The following BEND7 variants were observed in gnomAD, a reference collection of about 807,000 sequenced individuals.
The protein encoded by BEND7 is BEN domain-containing protein 7.
A neutral mutation model predicts 50.9 loss-of-function variants in BEND7; 28 were observed. The ratio of observed to expected loss-of-function variants is 0.55; its 90% CI spans 0.41 to 0.75. The LOEUF is 0.75. BEND7 is among the 30% of genes least tolerant of loss of function. The pLI is 0.00. For synonymous variants in BEND7, 170 were observed against 183.9 expected (o/e 0.92, Z 0.61); for missense variants, 477 against 491.3 (o/e 0.97, Z 0.28).
rs1166105248 is a variant in BEND7 at position 13,501,789 on chromosome 10, C to T, written c.146-1709G>A. Among the ~76,000 whole-genome samples, 3 of 151,242 alleles carry T rather than the reference C, an allele frequency of 2.0e-5. No homozygotes were observed. In the South Asian group the frequency reaches 6.3e-4, roughly 32 times the overall value. ...TGAGCCCCGGAGGCAGAGGTTGCAG[C>T]GAGCCGAGATTGTGCCACTGCACTT... On this transcript the variant is annotated intron_variant, in intron 2 of 8. Transcript: ENST00000466271.
intron 6 of BEND7, among the ~76,000 whole-genome samples, chr10:13,467,436 T>C (rs1334420488): frequency 6.6e-6 from 1 of 152,250 alleles, no homozygotes; most frequent in Non-Finnish European, 1.5e-5. Flanking sequence ...GATTCCTCTC[T>C]AGTATGAAAG....
chr10:13,494,336 G>A (rs2076886412), intron 4 of BEND7, among the ~76,000 whole-genome samples: 1 of 152,218 alleles, frequency 6.6e-6, no homozygotes, highest in Non-Finnish European at 1.5e-5. Context: ...AGAATCACTT[G>A]AACCCAGGAG....
At chr10:13,506,764 G>GGAGA (rs60807357) in intron 2 of BEND7, among the ~76,000 whole-genome samples, 27 of 150,768 alleles carry the variant, frequency 1.8e-4, no homozygotes, top group East Asian at 5.9e-4. Flanking sequence ...GGAGCGAGAT[G>GGAGA]GAGAGAGAGA....
At chr10:13,502,257 T>A (rs1230359573) in intron 2 of BEND7, among the ~76,000 whole-genome samples, 1 of 152,234 alleles carries the variant, frequency 6.6e-6, no homozygotes, top group Non-Finnish European at 1.5e-5. Context: ...AGTAAATATC[T>A]TTAGTTTTTA....
chr10:13,465,133 G>C (rs557195915), intron 6 of BEND7, among the ~76,000 whole-genome samples: 1 of 152,310 alleles, frequency 6.6e-6, no homozygotes, highest in Admixed American at 6.5e-5. Flanking sequence ...TATGGTTCAT[G>C]AAAGAGTAAA....
chr10:13,468,336 C>T (rs1346740339), intron 6 of BEND7, among the ~76,000 whole-genome samples: 1 of 152,046 alleles, frequency 6.6e-6, no homozygotes, highest in Non-Finnish European at 1.5e-5. Flanking sequence ...CTATAAAGAG[C>T]GGGGAGAGAA....
rs1327113159 is a variant in BEND7, at chr10:13,528,596, GGCAGCGGCA to G, written c.-72_-64del. 3 of 834,720 alleles carry G rather than the reference GGCAGCGGCA, an allele frequency of 3.6e-6. No individual in the cohort carries two copies. Among genetic ancestry groups the G allele is most frequent in the Non-Finnish European group, 4.3e-6 (3 of 697,976 alleles). 51.7% of individuals were successfully genotyped at this position (834,720 alleles called of 1,614,324 possible). On this transcript the variant is annotated 5_prime_UTR_variant, in exon 1 of 9. Coordinates refer to ENST00000466271, the MANE Select transcript of BEND7 (RefSeq NM_001369863.1). The stretch of plus-strand genomic sequence containing the variant: ...CGGCAGCGGCGGCAGCGGCAGCGGC[GGCAGCGGCA>G]GCGGCGGCGCGGGCTCGTGTCACCG...
chr10:13,509,679 C>T (rs1188413779), intron 2 of BEND7, among the ~76,000 whole-genome samples: 3 of 152,148 alleles, frequency 2.0e-5, no homozygotes, highest in East Asian at 1.9e-4. Flanking sequence ...AGCATTTCCA[C>T]GCGCACTTTG....
chr10:13,439,323 G>A (rs770777006), downstream of BEND7: 8 of 1,614,050 alleles, frequency 5.0e-6, no homozygotes, highest in African/African-American at 1.3e-5. Flanking sequence ...TTGGGACAAA[G>A]CTCCTGTTTC....
chr10:13,516,613 C>G (rs1379395668), intron 2 of BEND7, among the ~76,000 whole-genome samples: 2 of 152,148 alleles, frequency 1.3e-5, no homozygotes, highest in Non-Finnish European at 2.9e-5. Flanking sequence ...ATAGTCCCAG[C>G]TACTCGGGAG....
intron 5 of BEND7, among the ~76,000 whole-genome samples, chr10:13,482,752 C>T (rs557001094): frequency 1.6e-4 from 24 of 152,246 alleles, no homozygotes; most frequent in African/African-American, 5.5e-4. Context: ...TCAGGTTTTC[C>T]CCTTAACTTC....
intron 5 of BEND7, among the ~76,000 whole-genome samples, chr10:13,484,438 C>T (rs1254132506): frequency 3.3e-5 from 5 of 152,106 alleles, no homozygotes; most frequent in East Asian, 3.9e-4. Flanking sequence ...CATCTTTGTA[C>T]GTATATTTAA....
chr10:13,486,347 A>G (rs1165285618), intron 5 of BEND7, among the ~76,000 whole-genome samples: 1 of 152,164 alleles, frequency 6.6e-6, no homozygotes, highest in Non-Finnish European at 1.5e-5. Flanking sequence ...ATTAAATCCT[A>G]TGCTGAGAAT....
intron 2 of BEND7, among the ~76,000 whole-genome samples, chr10:13,525,450 T>G (rs2079390606): frequency 6.6e-6 from 1 of 152,142 alleles, no homozygotes; most frequent in Non-Finnish European, 1.5e-5. Context: ...ATCCCTGACG[T>G]GAGCTGGGAA....
At chr10:13,454,899 C>T (rs542365779) in intron 6 of BEND7, among the ~76,000 whole-genome samples, 6 of 152,204 alleles carry the variant, frequency 3.9e-5, no homozygotes, top group South Asian at 2.1e-4. Flanking sequence ...AGGCTGGGCG[C>T]GGTGGCTCAC....
At position 13,476,530 on chromosome 10, in the gene BEND7, C is replaced by T. The variant is rs192986137; in HGVS notation, c.1063+4369G>A. On this transcript the variant is annotated intron_variant, in intron 6 of 8. Transcript: ENST00000466271. ...CTTTCTCAACTCATCACTATGAAGT[C>T]GAATTAAAAATCCTACAACGGGGGC... Among the ~76,000 whole-genome samples, 19 of 152,248 alleles carry T rather than the reference C, an allele frequency of 1.2e-4. No individual in the cohort carries two copies. In the East Asian group the frequency reaches 2.7e-3, roughly 22 times the overall value.
chr10:13,483,086 G>A (rs1033650009), intron 5 of BEND7, among the ~76,000 whole-genome samples: 1 of 152,040 alleles, frequency 6.6e-6, no homozygotes, highest in Non-Finnish European at 1.5e-5. Flanking sequence ...TCTTACAGAA[G>A]CAGCTAATCA....
intron 3 of BEND7, 40 bp from the exon 4 acceptor site, chr10:13,496,928 C>CAAAAA (rs5783327): frequency 1.9e-4 from 217 of 1,132,976 alleles, no homozygotes; most frequent in East Asian, 1.1e-3. Context: ...CCAAACAAAC[C>CAAAAA]AAAAAAAAAA....
intron 6 of BEND7, among the ~76,000 whole-genome samples, chr10:13,465,680 G>A (rs558564277): frequency 1.3e-4 from 20 of 152,148 alleles, no homozygotes; most frequent in Non-Finnish European, 2.6e-4. Flanking sequence ...TTTAACTGGA[G>A]ACTTTAAAAG....
Sources: gnomAD v4.1 joint callset for allele counts (sites outside exome capture counted in the v4.1 genomes callset) on GRCh38, gnomAD v4.1.1 for gene constraint, MANE v1.5 for transcripts, NCBI Gene and HGNC (gene_info 2026-07-23, HGNC 2026-07-21) for gene names.